The following SEC31A variants were observed in gnomAD, a reference collection of about 807,000 sequenced individuals.
The protein encoded by SEC31A is SEC31 homolog A, COPII component.
SEC31A carries 70 observed loss-of-function variants against 151.0 expected under a neutral mutation model. The observed-to-expected ratio is 0.46, with a 90% CI of 0.38 to 0.57. The LOEUF (loss-of-function observed/expected upper bound fraction) is 0.57, where lower values mean the gene tolerates loss of function less well. Ranked by LOEUF, SEC31A falls within the 20% of genes least tolerant of loss-of-function variation. The pLI is 0.00. For synonymous variants in SEC31A, 475 were observed against 505.9 expected, an observed-to-expected ratio of 0.94 and a Z score of 0.82; for missense variants, 1,330 against 1,471.2, an observed-to-expected ratio of 0.90 and a Z score of 1.57.
intron 22 of SEC31A, among the ~76,000 whole-genome samples, chr4:82,839,537 C>T (rs1379942469): frequency 1.3e-5 from 2 of 152,142 alleles, no homozygotes; most frequent in African/African-American, 2.4e-5. Flanking sequence ...CCACCTGCCT[C>T]GGCCTCCCAA....
chr4:82,889,911 A>C (rs1244630569), intron 1 of SEC31A, among the ~76,000 whole-genome samples: 1 of 152,126 alleles, frequency 6.6e-6, no homozygotes, highest in African/African-American at 2.4e-5. Flanking sequence ...AGTGAGAAAC[A>C]AGGAGCACAG....
intron 12 of SEC31A, 50 bp from the exon 13 acceptor site, chr4:82,862,622 C>G (rs1160331060): frequency 6.6e-7 from 1 of 1,523,652 alleles, no homozygotes; most frequent in East Asian, 2.3e-5. Context: ...TATTTCAGAG[C>G]ATCCAGCAAA....
At chr4:82,898,152 C>T (rs1720143432) in intron 3 of SEC31A, 1 of 152,188 alleles carries the variant, frequency 6.6e-6, no homozygotes, top group Non-Finnish European at 1.5e-5. Context: ...TACATATCCT[C>T]ATTTAAGTAT....
intron 6 of SEC31A, among the ~76,000 whole-genome samples, chr4:82,872,398 A>G (rs1038038954): frequency 6.6e-6 from 1 of 152,182 alleles, no homozygotes; most frequent in Non-Finnish European, 1.5e-5. Context: ...CATGTTGGCC[A>G]GGCTGGTCTT....
At position 82,851,542 on chromosome 4, in the gene SEC31A, A is replaced by G. The variant is rs1731450345; in HGVS notation, c.2217T>C (p.Thr739=). The stretch of plus-strand genomic sequence containing the variant: ...CAGCCAAGAGAACTCCTACAGTACT[A>G]GTGTCCATGGCTTGAGTGAGTTGCA... ...KAVQLTQAMD[T]STVGVLLAAK... The change falls in exon 19 of 27, where the codon ACT becomes ACC. Residue 739 remains threonine, a synonymous_variant. Coordinates refer to ENST00000395310, the MANE Select transcript of SEC31A (RefSeq NM_001077207.4). The G allele has an allele frequency of 1.2e-6, 2 of 1,613,922 alleles. No individual in the cohort carries two copies. Among genetic ancestry groups the G allele is most frequent in the Non-Finnish European group, 1.7e-6 (2 of 1,179,822 alleles).
intron 16 of SEC31A, 114 bp downstream of exon 16, chr4:82,856,838 T>C (rs1255795917): frequency 1.2e-6 from 1 of 862,486 alleles, no homozygotes; most frequent in Non-Finnish European, 1.7e-6. Flanking sequence ...GAATTATGAA[T>C]GAGCTTTTAA....
intron 22 of SEC31A, among the ~76,000 whole-genome samples, chr4:82,832,375 G>A (rs1578141258): frequency 6.6e-6 from 1 of 152,150 alleles, no homozygotes; most frequent in East Asian, 1.9e-4. Context: ...ACTGAAACTG[G>A]ACCCCTTCCT....
chr4:82,839,165 T>A (rs1293563186), intron 22 of SEC31A, among the ~76,000 whole-genome samples: 2 of 152,070 alleles, frequency 1.3e-5, no homozygotes, highest in Non-Finnish European at 2.9e-5. Flanking sequence ...TTTTTTCTTT[T>A]TTGAGATGGA....
At chr4:82,830,819 TG>T in intron 22 of SEC31A, 1 of 266,886 alleles carries the variant, frequency 3.7e-6, no homozygotes, top group South Asian at 6.5e-5. Context: ...AAAATGATCC[TG>T]ATCAGATTTG....
At chr4:82,862,438 T>TAA in intron 13 of SEC31A, 96 bp downstream of exon 13, 1 of 836,294 alleles carries the variant, frequency 1.2e-6, no homozygotes, top group Non-Finnish European at 2.0e-6. Context: ...TTTTATACCA[T>TAA]AAAGCATAAA....
At chr4:82,840,644 C>T (rs967231588) in intron 22 of SEC31A, among the ~76,000 whole-genome samples, 2 of 152,124 alleles carry the variant, frequency 1.3e-5, no homozygotes, top group African/African-American at 4.8e-5. Context: ...AGTGCACTTA[C>T]ACAAACCCAG....
intron 1 of SEC31A, among the ~76,000 whole-genome samples, chr4:82,890,201 CAAAAAAAAAA>C: frequency 1.3e-5 from 1 of 74,932 alleles, no homozygotes. Context: ...GACTCCGTCT[CAAAAAAAAAA>C]AAAAAAAAAA....
At chr4:82,878,494 A>G (rs1039552078) in intron 4 of SEC31A, among the ~76,000 whole-genome samples, 1 of 152,152 alleles carries the variant, frequency 6.6e-6, no homozygotes, top group African/African-American at 2.4e-5. Context: ...CTCCGTCTCA[A>G]AAAAACAAAA....
chr4:82,840,211 T>C (rs749388326), intron 22 of SEC31A, among the ~76,000 whole-genome samples: 7 of 152,152 alleles, frequency 4.6e-5, no homozygotes, highest in Non-Finnish European at 8.8e-5. Context: ...AGAAAACATA[T>C]AACAAGTGCC....
At chr4:82,862,278 T>C (rs1409453086) in intron 13 of SEC31A, among the ~76,000 whole-genome samples, 1 of 151,856 alleles carries the variant, frequency 6.6e-6, no homozygotes, top group Non-Finnish European at 1.5e-5. Context: ...AATTTTATCT[T>C]AAGTATTTGA....
At chr4:82,857,529 C>A (rs1188469203) in intron 15 of SEC31A, among the ~76,000 whole-genome samples, 160 bp downstream of exon 15, 2 of 152,086 alleles carry the variant, frequency 1.3e-5, no homozygotes, top group African/African-American at 4.8e-5. Context: ...TAGCCTCAAA[C>A]TCCTGGGCCC....
rs879356135 is a variant in SEC31A at position 82,872,239 on chromosome 4, G to A, written c.640-153C>T. ...TCTATTTATTGTCAGCCAGGCTGGA[G>A]TGCAGTAGCGCCATCTCAGCTCACT... On this transcript the variant is annotated intron_variant, in intron 6 of 26. Transcript: ENST00000395310. Among the ~76,000 whole-genome samples, 3 of 152,146 alleles carry A rather than the reference G, an allele frequency of 2.0e-5. 1 individual carries two copies. Among genetic ancestry groups the A allele is most frequent in the Admixed American group, 2.0e-4 (3 of 15,276 alleles).
intron 14 of SEC31A, 108 bp from the exon 15 acceptor site, chr4:82,857,872 C>A: frequency 3.1e-6 from 2 of 650,670 alleles, no homozygotes; most frequent in East Asian, 2.7e-5. Flanking sequence ...GATGACATAC[C>A]AAGTTATTCC....
chr4:82,891,340 G>A (rs1719734152), upstream of SEC31A: 1 of 684,330 alleles, frequency 1.5e-6, no homozygotes, highest in Admixed American at 2.9e-5. Flanking sequence ...CGGCTCCGCT[G>A]GTTGGTGGCG....
Sources: allele counts gnomAD v4.1 joint callset (sites outside exome capture counted in the v4.1 genomes callset), GRCh38; gene constraint gnomAD v4.1.1; transcripts MANE v1.5; gene names NCBI Gene and HGNC (gene_info 2026-07-23, HGNC 2026-07-21).